Variants in ERC2 observed in about 807,000 individuals in gnomAD.
ERC2 encodes ELKS/RAB6-interacting/CAST family member 2, also known as ERC protein 2.
In ERC2, 42 loss-of-function variants were observed where a neutral mutation model predicts 114.8. The ratio of observed to expected loss-of-function variants is 0.37; its 90% CI spans 0.29 to 0.47. The LOEUF (loss-of-function observed/expected upper bound fraction) is 0.47, where lower values mean the gene tolerates loss of function less well. ERC2 is among the 20% of genes least tolerant of loss of function. The probability of loss-of-function intolerance (pLI) is 0.99; values close to 1 mark genes in which losing one functional copy is unlikely to be tolerated. For synonymous variants in ERC2, 454 were observed against 425.5 expected (o/e 1.07, Z -0.82); for missense variants, 939 against 1,150.7 (o/e 0.82, Z 2.66).
chr3:56,241,322 T>A (rs540939697), intron 3 of ERC2, among the ~76,000 whole-genome samples: 18 of 151,850 alleles, frequency 1.2e-4, no homozygotes, highest in Non-Finnish European at 2.4e-4. Context: ...ATCAGAGAAA[T>A]GCAAATTAAA....
chr3:55,657,882 G>C (rs1380100488), intron 17 of ERC2: 2 of 152,214 alleles, frequency 1.3e-5, no homozygotes, highest in Non-Finnish European at 2.9e-5. Flanking sequence ...GTGCTGAGGA[G>C]TGTCTGAAAT....
intron 14 of ERC2, among the ~76,000 whole-genome samples, chr3:55,787,557 T>C (rs2069615147): frequency 6.6e-6 from 1 of 152,286 alleles, no homozygotes; most frequent in East Asian, 1.9e-4. Flanking sequence ...ATGGCAGGAT[T>C]TTTCACTAGT....
At chr3:55,940,930 G>T (rs536147451) in intron 13 of ERC2, among the ~76,000 whole-genome samples, 2 of 152,264 alleles carry the variant, frequency 1.3e-5, no homozygotes, top group East Asian at 1.9e-4. Flanking sequence ...CCAATAAAAG[G>T]CATGCAAAGA....
intron 13 of ERC2, among the ~76,000 whole-genome samples, chr3:55,949,160 G>A (rs1229767081): frequency 2.0e-5 from 3 of 152,046 alleles, no homozygotes; most frequent in African/African-American, 7.2e-5. Context: ...ATGAGGTCAC[G>A]AGATGGAGAC....
intron 13 of ERC2, among the ~76,000 whole-genome samples, chr3:55,947,485 T>C (rs1233932528): frequency 1.3e-5 from 2 of 152,208 alleles, no homozygotes; most frequent in African/African-American, 4.8e-5. Flanking sequence ...GTGCTTTGCT[T>C]TGGGCCAATG....
chr3:55,990,117 A>C (rs1037900230), intron 11 of ERC2, among the ~76,000 whole-genome samples: 1 of 152,222 alleles, frequency 6.6e-6, no homozygotes, highest in African/African-American at 2.4e-5. Context: ...TAGTTCCAAA[A>C]TAGATCCATC....
intron 12 of ERC2, among the ~76,000 whole-genome samples, chr3:55,975,354 C>A (rs2069499955): frequency 6.6e-6 from 1 of 152,118 alleles, no homozygotes. Flanking sequence ...CATATAGTTT[C>A]TTCCAATTTC....
chr3:55,565,488 G>A (rs765569952), intron 17 of ERC2, among the ~76,000 whole-genome samples: 8 of 152,022 alleles, frequency 5.3e-5, no homozygotes, highest in Non-Finnish European at 1.5e-5. Context: ...GTCTAGAGGG[G>A]TCAGTGAATC....
intron 15 of ERC2, among the ~76,000 whole-genome samples, chr3:55,726,684 G>T (rs1188324051): frequency 6.6e-6 from 1 of 152,186 alleles, no homozygotes; most frequent in African/African-American, 2.4e-5. Context: ...TACCTAAATA[G>T]ATTACATTAC....
chr3:56,372,508 G>T (rs542282116), intron 2 of ERC2, among the ~76,000 whole-genome samples: 2 of 151,988 alleles, frequency 1.3e-5, no homozygotes, highest in Non-Finnish European at 2.9e-5. Context: ...CAGGCAGATC[G>T]CTTGAGCCCA....
At chr3:56,202,234 C>T (rs2048449858) in intron 3 of ERC2, among the ~76,000 whole-genome samples, 1 of 152,152 alleles carries the variant, frequency 6.6e-6, no homozygotes, top group African/African-American at 2.4e-5. Flanking sequence ...CCATGAATTG[C>T]AGTGCATTTT....
intron 4 of ERC2, among the ~76,000 whole-genome samples, chr3:56,161,791 G>A (rs973611053): frequency 1.1e-4 from 16 of 152,116 alleles, no homozygotes; most frequent in Admixed American, 7.2e-4. Flanking sequence ...TCTTTTGGCA[G>A]TCGTTAGGGT....
At chr3:56,307,160 G>T (rs1169247661) in intron 2 of ERC2, among the ~76,000 whole-genome samples, 1 of 152,196 alleles carries the variant, frequency 6.6e-6, no homozygotes, top group Non-Finnish European at 1.5e-5. Flanking sequence ...TCATAATCAT[G>T]ATGTTTGGCT....
At chr3:55,864,436 A>G (rs2062202428) in intron 14 of ERC2, among the ~76,000 whole-genome samples, 1 of 152,010 alleles carries the variant, frequency 6.6e-6, no homozygotes, top group Non-Finnish European at 1.5e-5. Flanking sequence ...AACTAGGCAT[A>G]TAGTGGATCT....
intron 14 of ERC2, among the ~76,000 whole-genome samples, chr3:55,745,328 T>C (rs2066238688): frequency 6.6e-6 from 1 of 152,154 alleles, no homozygotes; most frequent in African/African-American, 2.4e-5. Context: ...AACTGAGAAA[T>C]GGAAATGTGT....
chr3:55,532,580 C>A (rs2053739190), intron 17 of ERC2, among the ~76,000 whole-genome samples: 1 of 152,168 alleles, frequency 6.6e-6, no homozygotes, highest in Non-Finnish European at 1.5e-5. Flanking sequence ...CTCAATTCTC[C>A]CCAAGTCCCT....
chr3:55,617,942 T>C (rs2059186364), intron 17 of ERC2, among the ~76,000 whole-genome samples: 1 of 152,118 alleles, frequency 6.6e-6, no homozygotes, highest in Admixed American at 6.5e-5. Context: ...AAGAAAATTG[T>C]TTTCACAAGG....
At position 55,696,769 on chromosome 3, in the gene ERC2, G is replaced by C. The variant is rs2062954054; in HGVS notation, c.2847+2609C>G. 2.0e-5 allele frequency among the ~76,000 whole-genome samples: 3 copies of C among 152,088 alleles called. No individual in the cohort carries two copies. The South Asian group carries it at 6.2e-4, about 32-fold the overall frequency. On this transcript the variant is annotated intron_variant, in intron 16 of 17. Coordinates refer to ENST00000288221, the MANE Select transcript of ERC2 (RefSeq NM_015576.3). ...TATAGGACAAGGTATCATTCCACTA[G>C]ACCTGGGATGCCCAGTCAAAAGGGG...
intron 4 of ERC2, among the ~76,000 whole-genome samples, chr3:56,150,615 G>A (rs1202538215): frequency 1.3e-5 from 2 of 151,970 alleles, no homozygotes; most frequent in Non-Finnish European, 1.5e-5. Flanking sequence ...TATTTTTTCA[G>A]TTATAAAAGC....
Sources: allele counts gnomAD v4.1 joint callset (sites outside exome capture counted in the v4.1 genomes callset), GRCh38; gene constraint gnomAD v4.1.1; transcripts MANE v1.5; gene names NCBI Gene and HGNC (gene_info 2026-07-23, HGNC 2026-07-21).